The following CRK variants were observed in gnomAD, a reference collection of about 807,000 sequenced individuals.
CRK encodes adapter molecule crk.
CRK carries 4 observed loss-of-function variants against 29.8 expected under a neutral mutation model. That is an observed-to-expected ratio of 0.13 (90% confidence interval 0.07 to 0.31). The LOEUF (loss-of-function observed/expected upper bound fraction) is 0.31. CRK is among the 10% of genes least tolerant of loss of function. The pLI is 1.00. For synonymous variants in CRK, 153 were observed against 164.9 expected (o/e 0.93, Z 0.55); for missense variants, 274 against 396.5 (o/e 0.69, Z 2.62).
chr17:1,450,522 A>AG (rs2074009462), intron 1 of CRK, among the ~76,000 whole-genome samples: 1 of 151,720 alleles, frequency 6.6e-6, no homozygotes, highest in African/African-American at 2.4e-5. Context: ...AAAAAAAGAA[A>AG]AAAAACACAT....
chr17:1,436,634 C>A lies in CRK; in HGVS notation c.763G>T (p.Ala255Ser). The change falls in exon 2 of 3, where the codon GCC (alanine) becomes TCC (serine). Residue 255 changes from alanine (A) to serine (S), a missense_variant. Physicochemically the swap from Ala to Ser is moderately conservative, Grantham distance 99. Transcript: ENST00000300574. ...ACGTTATGTACCTCCAAAGCCAAGG[C>A]TGTCTTGTCGTAGGCATTGGGGACT... ...KRVPNAYDKT[A>S]LALEVGELVK... 6.2e-7 allele frequency: 1 copy of A among 1,604,868 alleles called. No homozygotes were observed. The highest frequency in any genetic ancestry group is 8.5e-7 in the Non-Finnish European group (1 of 1,176,860).
At chr17:1,427,288 C>CAAA (rs761351379) in intron 2 of CRK, among the ~76,000 whole-genome samples, 1 of 79,028 alleles carries the variant, frequency 1.3e-5, no homozygotes, top group African/African-American at 4.3e-5. Flanking sequence ...ATTCTGTCTC[C>CAAA]AAAAAAAAAA....
intron 1 of CRK, among the ~76,000 whole-genome samples, chr17:1,447,001 T>C (rs2073980579): frequency 6.6e-6 from 1 of 152,170 alleles, no homozygotes; most frequent in Non-Finnish European, 1.5e-5. Context: ...ATTCTGACAC[T>C]GTAATAATTT....
intron 1 of CRK, among the ~76,000 whole-genome samples, chr17:1,452,978 T>TGC (rs2074030145): frequency 6.6e-6 from 1 of 151,924 alleles, no homozygotes; most frequent in South Asian, 2.1e-4. Flanking sequence ...GCATGGTGGA[T>TGC]ACGCCTGGAG....
At chr17:1,438,252 C>T (rs1025299080) in intron 1 of CRK, among the ~76,000 whole-genome samples, 63 of 152,204 alleles carry the variant, frequency 4.1e-4, no homozygotes, top group African/African-American at 1.5e-3. Context: ...ACTTCAGCCT[C>T]CTGAGCAGCT....
intron 2 of CRK, among the ~76,000 whole-genome samples, chr17:1,425,624 T>C (rs1301044932): frequency 2.0e-5 from 3 of 152,236 alleles, no homozygotes; most frequent in East Asian, 1.9e-4. Flanking sequence ...TTTCAAATTA[T>C]GCATCTGGGC....
At chr17:1,437,906 TCCA>T (rs2073900019) in intron 1 of CRK, among the ~76,000 whole-genome samples, 1 of 151,318 alleles carries the variant, frequency 6.6e-6, no homozygotes. Context: ...TCTCAGGTGA[TCCA>T]CCCACCTCAG....
rs564512081 is a variant in CRK, at chr17:1,440,464, T to C, written c.242-3309A>G. Among the ~76,000 whole-genome samples the C allele has an allele frequency of 2.2e-3, 337 of 151,192 alleles. 2 individuals carry two copies. Among genetic ancestry groups the C allele is most frequent in the Admixed American group, 3.4e-3 (52 of 15,126 alleles). ...GGGGACCGAGCAAGACCTTGACTCT[T>C]AAAAAAAGAAAAAATAAATGTTTGA... On this transcript the variant is annotated intron_variant, in intron 1 of 2. Coordinates refer to ENST00000300574, the MANE Select transcript of CRK (RefSeq NM_016823.4).
chr17:1,423,828 C>T (rs941703148), intron 2 of CRK, among the ~76,000 whole-genome samples, 178 bp from the exon 3 acceptor site: 9 of 152,066 alleles, frequency 5.9e-5, no homozygotes, highest in Non-Finnish European at 1.5e-5. Context: ...TTAATGCAGG[C>T]AGAAGGAAAA....
intron 2 of CRK, among the ~76,000 whole-genome samples, chr17:1,435,304 G>A (rs2073878395): frequency 2.0e-5 from 3 of 152,014 alleles, no homozygotes; most frequent in African/African-American, 4.8e-5. Flanking sequence ...TGCCCACCTC[G>A]GCCTCCCAAG....
At chr17:1,450,499 G>A (rs376895109) in intron 1 of CRK, among the ~76,000 whole-genome samples, 15 of 147,982 alleles carry the variant, frequency 1.0e-4, no homozygotes, top group Admixed American at 4.1e-4. Flanking sequence ...GCGACAGAGC[G>A]AGATTCTGTC....
At chr17:1,449,342 C>G (rs1254491336) in intron 1 of CRK, among the ~76,000 whole-genome samples, 2 of 152,136 alleles carry the variant, frequency 1.3e-5, no homozygotes, top group Non-Finnish European at 2.9e-5. Flanking sequence ...CACAGCCTCT[C>G]AAAGATAAGA....
intron 1 of CRK, among the ~76,000 whole-genome samples, chr17:1,443,562 ATTTT>A (rs1367800833): frequency 7.0e-6 from 1 of 141,970 alleles, no homozygotes; most frequent in African/African-American, 2.6e-5. Context: ...CGCCCGGCTA[ATTTT>A]TTTTTGTATT....
At chr17:1,446,981 T>A (rs1170591789) in intron 1 of CRK, among the ~76,000 whole-genome samples, 1 of 152,176 alleles carries the variant, frequency 6.6e-6, no homozygotes, top group Non-Finnish European at 1.5e-5. Flanking sequence ...TACTTATAAA[T>A]TATTTTTCTA....
chr17:1,430,841 G>A (rs1474939523), intron 2 of CRK, among the ~76,000 whole-genome samples: 19 of 151,774 alleles, frequency 1.3e-4, no homozygotes, highest in Non-Finnish European at 1.5e-4. Flanking sequence ...GCCGAGGTGG[G>A]TGGATCACGA....
chr17:1,455,894 G>T lies in CRK; in HGVS notation c.224C>A (p.Pro75His). 1 of 1,589,146 alleles carries T rather than the reference G, an allele frequency of 6.3e-7. No homozygotes were observed. ...SGPRPPVPPS[P>H]AQPPPGVSPS... The stretch of plus-strand genomic sequence containing the variant: ...TCCCTCACCGGGCGGAGGCTGGGCG[G>T]GCGACGGTGGCACCGGCGGGCGCGG... The change falls in exon 1 of 3, where the codon CCC (proline) becomes CAC (histidine). Residue 75 changes from proline to histidine, a missense_variant. Physicochemically the swap from Pro to His is moderately conservative, Grantham distance 77. Transcript: ENST00000300574.
Position 1,430,277 on chromosome 17 carries a change from CAG to C in CRK, c.777+6341_777+6342del, listed in dbSNP as rs573135738. On this transcript the variant is annotated intron_variant, in intron 2 of 2. Transcript: ENST00000300574. ...CAGGCTGGTCTCGAATTCCTGACCT[CAG>C]GTGAAGAGTTCACCCACCTCGACCT... Among the ~76,000 whole-genome samples, 317 of 151,556 alleles carry C rather than the reference CAG, an allele frequency of 2.1e-3. 1 individual carries two copies. Among genetic ancestry groups the C allele is most frequent in the African/African-American group, 7.3e-3 (298 of 41,036 alleles).
At chr17:1,434,133 A>T (rs1489705032) in intron 2 of CRK, among the ~76,000 whole-genome samples, 2 of 152,102 alleles carry the variant, frequency 1.3e-5, no homozygotes, top group African/African-American at 4.8e-5. Context: ...CCTTTACAGA[A>T]AAGGTTTGCA....
At chr17:1,431,207 G>GTGCC (rs2150902963) in intron 2 of CRK, among the ~76,000 whole-genome samples, 1 of 152,298 alleles carries the variant, frequency 6.6e-6, no homozygotes, top group African/African-American at 2.4e-5. Flanking sequence ...TCTTCCTGTG[G>GTGCC]TGCCACATGT....
Sources: allele counts gnomAD v4.1 joint callset (sites outside exome capture counted in the v4.1 genomes callset), GRCh38; gene constraint gnomAD v4.1.1; transcripts MANE v1.5; gene names NCBI Gene and HGNC (gene_info 2026-07-23, HGNC 2026-07-21).